The following ATP1A2 variants were observed in gnomAD, a reference collection of about 807,000 sequenced individuals.
The protein encoded by ATP1A2 is ATPase Na+/K+ transporting subunit alpha 2, also known as sodium/potassium-transporting ATPase subunit alpha-2.
Under a neutral mutation model 113.1 loss-of-function variants are expected in ATP1A2, and 56 were observed. The ratio of observed to expected loss-of-function variants is 0.49; its 90% confidence interval spans 0.40 to 0.62. The LOEUF is 0.62. Ranked by LOEUF, ATP1A2 falls within the 20% of genes least tolerant of loss-of-function variation. ATP1A2 has a pLI of 0.00. For missense variants in ATP1A2, 712 were observed against 1,357.8 expected, an observed-to-expected ratio of 0.52 and a Z score of 7.47; for synonymous variants, 490 against 526.8, an observed-to-expected ratio of 0.93 and a Z score of 0.96.
At chr1:160,141,239 C>T in intron 22 of ATP1A2, 55 bp from the exon 23 acceptor site, 1 of 1,610,012 alleles carries the variant, frequency 6.2e-7, no homozygotes. Flanking sequence ...GGAAATTGAT[C>T]TCTTGCCTCC....
chr1:160,132,318 C>T (rs1651799804), intron 13 of ATP1A2, among the ~76,000 whole-genome samples: 1 of 151,990 alleles, frequency 6.6e-6, no homozygotes, highest in Non-Finnish European at 1.5e-5. Flanking sequence ...CAGACTTGGG[C>T]TTTATCCTGC....
intron 11 of ATP1A2, 134 bp from the exon 12 acceptor site, chr1:160,129,968 G>A: frequency 8.8e-7 from 1 of 1,141,348 alleles, no homozygotes; most frequent in South Asian, 1.3e-5. Flanking sequence ...CCCTGCACAA[G>A]GAGATTCTCT....
rs1161609496 is a variant in ATP1A2, at chr1:160,143,308, A to G, written c.*1986A>G. On this transcript the variant is annotated 3_prime_UTR_variant, in exon 23 of 23. Transcript: ENST00000361216. ...GATTACTAACTGTGGACAAAAGTTT[A>G]TCTTTGCACAATCAATAAAAATGGC... 10 of 152,506 alleles carry G rather than the reference A, an allele frequency of 6.6e-5. No individual in the cohort carries two copies. The South Asian group carries it at 2.1e-3, about 32-fold the overall frequency. The allele number at this position is 152,506 out of a possible 1,614,324, so 9.4% of individuals were successfully genotyped here.
Position 160,115,860 on chromosome 1 carries a change from A to G in ATP1A2, c.-2A>G, listed in dbSNP as rs751958298. Reference sequence around the variant, plus strand: ...AAGGTCCCTCAGCCACTCTGCCCCAAGATGGGCCGTGGGGTGAGTATCCCT... The same window carrying G: ...AAGGTCCCTCAGCCACTCTGCCCCAGGATGGGCCGTGGGGTGAGTATCCCT... On this transcript the variant is annotated 5_prime_UTR_variant, in exon 1 of 23. Transcript: ENST00000361216. The G allele has an allele frequency of 9.4e-6, 15 of 1,600,326 alleles. No individual in the cohort carries two copies. In the African/African-American group the frequency reaches 1.7e-4, roughly 19 times the overall value.
chr1:160,124,548 G>T, intron 6 of ATP1A2, 118 bp downstream of exon 6: 1 of 1,466,724 alleles, frequency 6.8e-7, no homozygotes, highest in Non-Finnish European at 9.3e-7. Context: ...TCAACACCAT[G>T]CCTATGCCCC....
intron 1 of ATP1A2, among the ~76,000 whole-genome samples, chr1:160,119,334 A>T (rs571676597): frequency 7.0e-6 from 1 of 143,088 alleles, no homozygotes; most frequent in East Asian, 2.3e-4. Context: ...TTTATGGGAA[A>T]CAAAAGTTAA....
intron 1 of ATP1A2, among the ~76,000 whole-genome samples, chr1:160,117,070 G>A (rs1043158581): frequency 2.6e-5 from 4 of 152,118 alleles, no homozygotes; most frequent in Admixed American, 2.6e-4. Context: ...ATTTGTAAAT[G>A]TACAAGCCTT....
At chr1:160,116,215 G>T (rs1000413216) in intron 1 of ATP1A2, among the ~76,000 whole-genome samples, 18 of 152,028 alleles carry the variant, frequency 1.2e-4, no homozygotes, top group African/African-American at 4.4e-4. Flanking sequence ...CGGCCTCCCA[G>T]CTGAAAGGAT....
rs1199066200 is a variant in ATP1A2 at position 160,136,382 on chromosome 1, C to T, written c.2563+12C>T. On this transcript the variant is annotated intron_variant, in intron 18 of 22. Coordinates refer to ENST00000361216, the MANE Select transcript of ATP1A2 (RefSeq NM_000702.4). Reference sequence around the variant, plus strand: ...CTACGGACAGATCGGTGCGCCAAGCCCCGGGCCTCGGGAGGGAACCCCAAC... The same window carrying T: ...CTACGGACAGATCGGTGCGCCAAGCTCCGGGCCTCGGGAGGGAACCCCAAC... 1 of 1,613,936 alleles carries T rather than the reference C, an allele frequency of 6.2e-7. No individual in the cohort carries two copies. Among genetic ancestry groups the T allele is most frequent in the Admixed American group, 1.7e-5 (1 of 60,030 alleles).
At chr1:160,116,854 G>A (rs1393527370) in intron 1 of ATP1A2, among the ~76,000 whole-genome samples, 1 of 152,194 alleles carries the variant, frequency 6.6e-6, no homozygotes, top group African/African-American at 2.4e-5. Flanking sequence ...ATTGCACCTA[G>A]TTGAGCAGCT....
In ATP1A2 at chr1:160,127,552, G is replaced by A; in HGVS notation, c.749G>A (p.Gly250Asp). The A allele has an allele frequency of 6.2e-7, 1 of 1,614,200 alleles. No homozygotes were observed. The highest frequency in any genetic ancestry group is 8.5e-7 in the Non-Finnish European group (1 of 1,180,040). Residue 250 changes from glycine to aspartate, a missense_variant and splice_region_variant, in exon 8 of 23, where the codon GGC (glycine) becomes GAC (aspartate). Gly to Asp is a moderately conservative substitution (Grantham distance 94). This residue lies in a region of ATP1A2 where 99 missense variants were observed against 180.4 expected (regional missense o/e 0.55). Transcript: ENST00000361216. ...AACCTGATGCCCCACCATGTTGCAG[G>A]CACTGCCAGGGGCATTGTGATTGCC... Reference protein sequence around the residue: ...ICFFSTNCVEGTARGIVIATG... With the variant: ...ICFFSTNCVEDTARGIVIATG...
In ATP1A2 at chr1:160,139,679, G is replaced by T. The variant is rs762969049; in HGVS notation, c.2880G>T (p.Ala960=). The T allele has an allele frequency of 3.7e-6, 6 of 1,614,166 alleles. No individual in the cohort carries two copies. In the Admixed American group the frequency reaches 1.0e-4, roughly 27 times the overall value. Residue 960 remains alanine (A), a synonymous_variant, in exon 21 of 23, where the codon GCG becomes GCT. Transcript: ENST00000361216. ...ILIFGLLEET[A]LAAFLSYCPG... is the part of the protein sequence containing the mutation. ...TTTTTGGGCTCCTGGAGGAGACGGCGTTGGCTGCCTTTCTCTCTTACTGCC... is the reference window on the plus strand; with the variant it reads ...TTTTTGGGCTCCTGGAGGAGACGGCTTTGGCTGCCTTTCTCTCTTACTGCC...
At chr1:160,118,378 C>T (rs1361912466) in intron 1 of ATP1A2, among the ~76,000 whole-genome samples, 2 of 151,986 alleles carry the variant, frequency 1.3e-5, no homozygotes, top group Admixed American at 1.3e-4. Flanking sequence ...TGAAGCTCAG[C>T]CAGCCTGATC....
At position 160,130,202 on chromosome 1, in the gene ATP1A2, A is replaced by G. The variant is rs759736796; in HGVS notation, c.1562A>G (p.Gln521Arg). ...GACCGGTGCTCCACCATCCTGGTGC[A>G]GGGCAAGGAGATCCCGCTCGACAAG... The part of the protein sequence containing the change: ...ILDRCSTILV[Q>R]GKEIPLDKEM... Residue 521 changes from glutamine to arginine, a missense_variant, in exon 12 of 23, where the codon CAG (glutamine) becomes CGG (arginine). Around this residue, in one of 6 missense-constraint regions of ATP1A2, gnomAD observed 263 missense variants for 380.6 expected, o/e 0.69. Coordinates refer to ENST00000361216, the MANE Select transcript of ATP1A2 (RefSeq NM_000702.4). 5 of 1,614,214 alleles carry G rather than the reference A, an allele frequency of 3.1e-6. No homozygotes were observed. The highest frequency in any genetic ancestry group is 4.2e-6 in the Non-Finnish European group (5 of 1,180,042).
At chr1:160,118,332 GC>G (rs955864458) in intron 1 of ATP1A2, among the ~76,000 whole-genome samples, 1 of 152,062 alleles carries the variant, frequency 6.6e-6, no homozygotes, top group Admixed American at 6.5e-5. Flanking sequence ...GTATGCCTGG[GC>G]CCCCTTCTGT....
In ATP1A2 at chr1:160,136,285, T is replaced by C. The variant is rs1183351756; in HGVS notation, c.2478T>C (p.Ser826=). ...AISLAYEAAE[S]DIMKRQPRNS... The stretch of plus-strand genomic sequence containing the variant: ...CCTTGGCCTATGAGGCAGCTGAGAG[T>C]GATATCATGAAGCGGCAGCCACGAA... The change falls in exon 18 of 23, where the codon AGT becomes AGC. Residue 826 remains serine, a synonymous_variant. Coordinates refer to ENST00000361216, the MANE Select transcript of ATP1A2 (RefSeq NM_000702.4). 6.2e-7 allele frequency: 1 copy of C among 1,613,468 alleles called. No individual in the cohort carries two copies. The highest frequency in any genetic ancestry group is 1.1e-5 in the South Asian group (1 of 91,050).
chr1:160,125,041 T>G, intron 6 of ATP1A2, 95 bp from the exon 7 acceptor site: 1 of 962,138 alleles, frequency 1.0e-6, no homozygotes, highest in Non-Finnish European at 1.7e-6. Context: ...CCTCGTGTCA[T>G]GAAGATTGAG....
chr1:160,125,456 TCTCC>T, intron 7 of ATP1A2: 1 of 591,914 alleles, frequency 1.7e-6, no homozygotes, highest in South Asian at 1.9e-5. Flanking sequence ...GGGAAATGTA[TCTCC>T]CTTCCCCAGG....
At chr1:160,136,224 G>GC in intron 17 of ATP1A2, 23 bp from the exon 18 acceptor site, 1 of 1,614,028 alleles carries the variant, frequency 6.2e-7, no homozygotes, top group Non-Finnish European at 8.5e-7. Context: ...TGCCCTCCCT[G>GC]CCCCATTTCC....
Sources: allele counts gnomAD v4.1 joint callset (sites outside exome capture counted in the v4.1 genomes callset), GRCh38; gene constraint gnomAD v4.1.1; regional missense constraint gnomAD v4.1.1; transcripts MANE v1.5; gene names NCBI Gene and HGNC (gene_info 2026-07-23, HGNC 2026-07-21).